The following RAB3IP variants were observed in gnomAD, a reference collection of about 807,000 sequenced individuals.
RAB3IP encodes rab-3A-interacting protein.
A neutral mutation model predicts 59.1 loss-of-function variants in RAB3IP; 36 were observed. The observed-to-expected ratio is 0.61, with a 90% CI of 0.47 to 0.80. RAB3IP has a LOEUF of 0.80. RAB3IP is among the 30% of genes least tolerant of loss of function. The pLI, the probability that RAB3IP is intolerant of heterozygous loss-of-function variation, is 0.00. For synonymous variants in RAB3IP, 207 were observed against 191.2 expected, an observed-to-expected ratio of 1.08 and a Z score of -0.68; for missense variants, 511 against 536.0, an observed-to-expected ratio of 0.95 and a Z score of 0.46.
chr12:69,770,102 TTAAAA>T (rs1872860860), intron 3 of RAB3IP, among the ~76,000 whole-genome samples: 1 of 152,196 alleles, frequency 6.6e-6, no homozygotes, highest in Non-Finnish European at 1.5e-5. Context: ...TCCTATAAGT[TTAAAA>T]TAAAAATTCC....
intron 3 of RAB3IP, among the ~76,000 whole-genome samples, chr12:69,757,749 G>A (rs1870461554): frequency 1.3e-5 from 2 of 152,196 alleles, no homozygotes; most frequent in African/African-American, 4.8e-5. Flanking sequence ...GGAAAAGGAT[G>A]TGGTGAGATG....
intron 3 of RAB3IP, among the ~76,000 whole-genome samples, chr12:69,766,419 T>G (rs1214108035): frequency 1.3e-5 from 2 of 152,212 alleles, no homozygotes; most frequent in Non-Finnish European, 2.9e-5. Context: ...GCCCTGAAAT[T>G]CTTTTTTCTG....
chr12:69,793,486 T>C (rs886532996), intron 4 of RAB3IP, among the ~76,000 whole-genome samples: 2 of 152,202 alleles, frequency 1.3e-5, no homozygotes, highest in African/African-American at 4.8e-5. Flanking sequence ...CTCTGATAAA[T>C]TGTAAACTAA....
chr12:69,783,146 G>T (rs1388300544), intron 3 of RAB3IP, among the ~76,000 whole-genome samples: 4 of 152,026 alleles, frequency 2.6e-5, no homozygotes, highest in Non-Finnish European at 2.9e-5. Context: ...GGATTTCCCT[G>T]GACTATTAGG....
At chr12:69,793,508 G>T (rs1876963994) in intron 4 of RAB3IP, among the ~76,000 whole-genome samples, 1 of 152,066 alleles carries the variant, frequency 6.6e-6, no homozygotes, top group Admixed American at 6.5e-5. Context: ...GTTCTAAAAT[G>T]TAAGTTCTTA....
At chr12:69,756,769 A>G in intron 3 of RAB3IP, 106 bp downstream of exon 3, 1 of 908,108 alleles carries the variant, frequency 1.1e-6, no homozygotes, top group East Asian at 2.7e-5. Context: ...TTGTACATTT[A>G]TCCGTCACAT....
At chr12:69,741,735 T>G (rs1396335766) in intron 1 of RAB3IP, among the ~76,000 whole-genome samples, 1 of 152,224 alleles carries the variant, frequency 6.6e-6, no homozygotes, top group African/African-American at 2.4e-5. Flanking sequence ...AGATTAGATG[T>G]CAGACAGTTT....
intron 1 of RAB3IP, among the ~76,000 whole-genome samples, chr12:69,745,589 C>T (rs2136101769): frequency 6.6e-6 from 1 of 152,244 alleles, no homozygotes; most frequent in South Asian, 2.1e-4. Context: ...TTTAGAGAAA[C>T]TTCAGTTTTG....
chr12:69,759,124 ACCCTGCGG>A (rs1395859768), intron 3 of RAB3IP, among the ~76,000 whole-genome samples: 1 of 146,896 alleles, frequency 6.8e-6, no homozygotes, highest in Admixed American at 6.9e-5. Context: ...TAGGCAGAGG[ACCCTGCGG>A]CCTTCCGCAG....
intron 1 of RAB3IP, chr12:69,739,821 C>T: frequency 1.2e-6 from 2 of 1,614,000 alleles, no homozygotes; most frequent in Non-Finnish European, 1.7e-6. Context: ...GTGGAAGTCG[C>T]AGCATGTGAA....
At chr12:69,814,253 T>C (rs776382832) in intron 10 of RAB3IP, among the ~76,000 whole-genome samples, 30 of 152,160 alleles carry the variant, frequency 2.0e-4, no homozygotes, top group Non-Finnish European at 3.5e-4. Context: ...ATTTACTTTA[T>C]GAAAATAGGA....
intron 8 of RAB3IP, among the ~76,000 whole-genome samples, chr12:69,806,047 T>C (rs545041926): frequency 1.3e-5 from 2 of 152,188 alleles, no homozygotes; most frequent in East Asian, 3.9e-4. Flanking sequence ...TTTTTCTATT[T>C]ATTGGAATAG....
chr12:69,806,048 A>C (rs1285576443), intron 8 of RAB3IP, among the ~76,000 whole-genome samples: 1 of 152,048 alleles, frequency 6.6e-6, no homozygotes, highest in African/African-American at 2.4e-5. Context: ...TTTTCTATTT[A>C]TTGGAATAGT....
At chr12:69,761,323 C>T (rs1046261296) in intron 3 of RAB3IP, among the ~76,000 whole-genome samples, 1 of 152,170 alleles carries the variant, frequency 6.6e-6, no homozygotes, top group Non-Finnish European at 1.5e-5. Context: ...CTAATTATTT[C>T]ATCTCTTCAG....
At chr12:69,811,332 G>A (rs770346328) in intron 8 of RAB3IP, among the ~76,000 whole-genome samples, 6 of 151,924 alleles carry the variant, frequency 3.9e-5, no homozygotes, top group South Asian at 2.1e-4. Flanking sequence ...CAACAAACCC[G>A]CATGACACAT....
At chr12:69,778,442 G>T (rs1432138592) in intron 3 of RAB3IP, among the ~76,000 whole-genome samples, 1 of 142,028 alleles carries the variant, frequency 7.0e-6, no homozygotes, top group African/African-American at 2.6e-5. Flanking sequence ...ATCCAGCTTT[G>T]TTCTGTTGCT....
At chr12:69,797,783 T>C (rs1209229032) in intron 6 of RAB3IP, among the ~76,000 whole-genome samples, 3 of 152,036 alleles carry the variant, frequency 2.0e-5, no homozygotes, top group Admixed American at 6.6e-5. Flanking sequence ...GTTTGGTTTT[T>C]TGTTCTTGCG....
At chr12:69,779,387 C>G (rs903070414) in intron 3 of RAB3IP, among the ~76,000 whole-genome samples, 4 of 151,466 alleles carry the variant, frequency 2.6e-5, no homozygotes, top group Non-Finnish European at 5.9e-5. Context: ...GCGTCGCTCA[C>G]GCTGGTAGCT....
At chr12:69,752,236 C>A (rs567588517) in intron 1 of RAB3IP, among the ~76,000 whole-genome samples, 12 of 151,302 alleles carry the variant, frequency 7.9e-5, no homozygotes, top group South Asian at 2.1e-4. Context: ...AACTCTTGGC[C>A]ACAATTGTCC....
Sources: gnomAD v4.1 joint callset for allele counts (sites outside exome capture counted in the v4.1 genomes callset) on GRCh38, gnomAD v4.1.1 for gene constraint, MANE v1.5 for transcripts, NCBI Gene and HGNC (gene_info 2026-07-23, HGNC 2026-07-21) for gene names.